Variants in TPTE2 observed in about 807,000 individuals in gnomAD.
TPTE2 encodes the protein transmembrane phosphoinositide 3-phosphatase and tensin homolog 2.
TPTE2 carries 53 observed loss-of-function variants against 78.6 expected under a neutral mutation model. The observed-to-expected ratio is 0.67, with a 90% CI of 0.54 to 0.85. TPTE2 has a LOEUF of 0.85. TPTE2 is among the 40% of genes least tolerant of loss of function. The probability of loss-of-function intolerance (pLI) is 0.00; values close to 1 mark genes in which losing one functional copy is unlikely to be tolerated. For synonymous variants in TPTE2, 175 were observed against 206.2 expected (o/e 0.85, Z 1.30); for missense variants, 461 against 623.0 (o/e 0.74, Z 2.77).
At chr13:19,522,723 C>T (rs915841995) in intron 1 of TPTE2, among the ~76,000 whole-genome samples, 4 of 150,102 alleles carry the variant, frequency 2.7e-5, no homozygotes, top group African/African-American at 9.8e-5. Flanking sequence ...CCCAGGTTCA[C>T]GCCATTCTCC....
intron 10 of TPTE2, among the ~76,000 whole-genome samples, chr13:19,463,314 C>T (rs1012562659): frequency 1.3e-5 from 2 of 152,130 alleles, no homozygotes; most frequent in Non-Finnish European, 2.9e-5. Flanking sequence ...TCCTTAAATT[C>T]TTCAGCTCCA....
chr13:19,549,767 G>T, the TPTE2 span, among the ~76,000 whole-genome samples: 1 of 80,026 alleles, frequency 1.2e-5, no homozygotes, highest in African/African-American at 2.8e-5. Flanking sequence ...GCCCATGAAT[G>T]GTGGATTTGA....
intron 13 of TPTE2, among the ~76,000 whole-genome samples, chr13:19,443,171 A>C (rs1877597773): frequency 6.6e-6 from 1 of 151,984 alleles, no homozygotes; most frequent in African/African-American, 2.4e-5. Flanking sequence ...ATAATTTAAT[A>C]AGTATTTAAC....
intron 6 of TPTE2, among the ~76,000 whole-genome samples, chr13:19,470,121 G>C (rs1249954345): frequency 1.3e-5 from 2 of 152,082 alleles, no homozygotes; most frequent in Non-Finnish European, 2.9e-5. Context: ...ACAGAGAAAA[G>C]CTTTTCATTT....
intron 10 of TPTE2, among the ~76,000 whole-genome samples, chr13:19,459,686 C>G (rs371717317): frequency 2.2e-4 from 34 of 152,302 alleles, no homozygotes; most frequent in African/African-American, 7.7e-4. Context: ...ACCGTTGCTG[C>G]AGTGGTTAAA....
the TPTE2 span, among the ~76,000 whole-genome samples, chr13:19,554,856 G>T: frequency 6.6e-6 from 1 of 152,012 alleles, no homozygotes; most frequent in Non-Finnish European, 1.5e-5. Flanking sequence ...AAGTATTTTG[G>T]CCTAGATCAT....
intron 10 of TPTE2, among the ~76,000 whole-genome samples, chr13:19,455,015 C>T (rs553768531): frequency 6.6e-6 from 1 of 152,274 alleles, no homozygotes; most frequent in South Asian, 2.1e-4. Context: ...CCAGTGGACC[C>T]TGGTCACATT....
chr13:19,553,018 T>C, the TPTE2 span, among the ~76,000 whole-genome samples: 7 of 151,394 alleles, frequency 4.6e-5, no homozygotes, highest in Admixed American at 6.6e-5. Flanking sequence ...TTGTACAATA[T>C]GTGACTCTGG....
intron 13 of TPTE2, among the ~76,000 whole-genome samples, chr13:19,445,453 T>C (rs1226923167): frequency 6.6e-5 from 10 of 151,998 alleles, no homozygotes; most frequent in Admixed American, 1.3e-4. Context: ...GAATTGCAAG[T>C]ATTGGGGAAG....
At chr13:19,460,067 A>G (rs1216019984) in intron 10 of TPTE2, among the ~76,000 whole-genome samples, 1 of 152,180 alleles carries the variant, frequency 6.6e-6, no homozygotes, top group Non-Finnish European at 1.5e-5. Flanking sequence ...ACATATGGAC[A>G]GATTTCCCAC....
At chr13:19,513,828 T>C (rs1869616447) in intron 1 of TPTE2, among the ~76,000 whole-genome samples, 1 of 152,174 alleles carries the variant, frequency 6.6e-6, no homozygotes, top group Non-Finnish European at 1.5e-5. Flanking sequence ...TTCAAATTCA[T>C]TCCCATTTGT....
intron 16 of TPTE2, among the ~76,000 whole-genome samples, chr13:19,431,541 G>A (rs1876601996): frequency 6.6e-6 from 1 of 151,976 alleles, no homozygotes; most frequent in Non-Finnish European, 1.5e-5. Context: ...ATAAACTAGT[G>A]TATTAATTAT....
chr13:19,457,619 G>A (rs1324373311), intron 10 of TPTE2, among the ~76,000 whole-genome samples: 2 of 152,056 alleles, frequency 1.3e-5, no homozygotes, highest in Non-Finnish European at 2.9e-5. Context: ...GAGAACATGC[G>A]ATGTTTGGTT....
chr13:19,431,085 C>T (rs559180470), intron 16 of TPTE2, among the ~76,000 whole-genome samples: 1 of 151,358 alleles, frequency 6.6e-6, no homozygotes, highest in South Asian at 2.1e-4. Context: ...TGAGATCACA[C>T]CACTGCACTC....
rs555800215 is a variant in TPTE2, at chr13:19,495,645, T to G, written c.12-2144A>C. ...TCTCTTGTGTGTATGAATGCATGTA[T>G]GTATGTGTTTGTATATGCATAGATA... On this transcript the variant is annotated intron_variant, in intron 1 of 19. Coordinates refer to ENST00000400230, the Ensembl canonical transcript of TPTE2. Among the ~76,000 whole-genome samples the G allele has an allele frequency of 2.0e-5, 3 of 152,302 alleles. No homozygotes were observed. In the East Asian group the frequency reaches 5.8e-4, roughly 29 times the overall value.
intron 1 of TPTE2, among the ~76,000 whole-genome samples, chr13:19,502,348 C>T (rs896437013): frequency 6.6e-5 from 10 of 151,194 alleles, no homozygotes; most frequent in African/African-American, 1.5e-4. Context: ...CACATGCACA[C>T]GTATATTTAT....
intron 1 of TPTE2, among the ~76,000 whole-genome samples, chr13:19,510,491 C>T (rs1263853523): frequency 6.6e-6 from 1 of 151,528 alleles, no homozygotes; most frequent in Non-Finnish European, 1.5e-5. Context: ...TGAGTACTCA[C>T]TCACCCTCAC....
chr13:19,558,841 T>C, the TPTE2 span, among the ~76,000 whole-genome samples: 3 of 152,332 alleles, frequency 2.0e-5, no homozygotes, highest in African/African-American at 7.2e-5. Flanking sequence ...AAATATAAGC[T>C]TGATGGGTTA....
rs1234199356 is a variant in TPTE2, at chr13:19,497,647, T to C, written c.12-4146A>G. ...AGGACATCCACACCAAAAACCCATC[T>C]GTACATCACCATGATCAAAGACCAA... On this transcript the variant is annotated intron_variant, in intron 1 of 19. Coordinates refer to ENST00000400230, the Ensembl canonical transcript of TPTE2. Among the ~76,000 whole-genome samples the C allele has an allele frequency of 1.7e-4, 23 of 138,160 alleles. No homozygotes were observed. The East Asian group carries it at 3.9e-3, about 23-fold the overall frequency. 90.6% of individuals were successfully genotyped at this position (138,160 alleles called of 152,430 possible).
Sources: gnomAD v4.1 joint callset for allele counts (sites outside exome capture counted in the v4.1 genomes callset) on GRCh38, gnomAD v4.1.1 for gene constraint, MANE v1.5 for transcripts, NCBI Gene and HGNC (gene_info 2026-07-23, HGNC 2026-07-21) for gene names.